CEBPZOS: variants seen among roughly 807,000 people sequenced by gnomAD.
CEBPZOS encodes protein CEBPZOS.
In CEBPZOS, 10 loss-of-function variants were observed where a neutral mutation model predicts 4.8. The ratio of observed to expected loss-of-function variants is 2.07; its 90% CI spans 1.28 to 3.52. The LOEUF is 3.52. CEBPZOS is among the 30% of genes most tolerant of loss of function. CEBPZOS has a pLI of 0.00. For synonymous variants in CEBPZOS, 25 were observed against 14.2 expected (o/e 1.77, Z -1.72); for missense variants, 98 against 43.6 (o/e 2.25, Z -3.51).
In CEBPZOS at chr2:37,201,937, C is replaced by G. The variant is rs745537375; in HGVS notation, c.*77C>G. 6.3e-7 allele frequency: 1 copy of G among 1,596,854 alleles called. No individual in the cohort carries two copies. Among genetic ancestry groups the G allele is most frequent in the African/African-American group, 1.4e-5 (1 of 73,968 alleles). On this transcript the variant is annotated 3_prime_UTR_variant, in exon 5 of 5. Transcript: ENST00000402297. ...GAAGAAGAAAAGATGAGTGTACTAC[C>G]ACACTGTAGACTCTTGGTGGTCCCA...
At chr2:37,209,815 AAAAT>A (rs1216815744) in intron 4 of CEBPZOS, 3 of 152,246 alleles carry the variant, frequency 2.0e-5, no homozygotes, top group African/African-American at 4.8e-5. Flanking sequence ...TCTGCATAGC[AAAAT>A]AAATAATCAG....
intron 4 of CEBPZOS, chr2:37,210,017 T>C (rs190542413): frequency 1.3e-5 from 2 of 152,090 alleles, no homozygotes; most frequent in East Asian, 1.9e-4. Flanking sequence ...AAGAAACATA[T>C]GAAGAAATGC....
chr2:37,208,263 T>C (rs888884205), downstream of CEBPZOS, among the ~76,000 whole-genome samples: 3 of 152,242 alleles, frequency 2.0e-5, no homozygotes, highest in South Asian at 2.1e-4. Flanking sequence ...TTCCAAAAGA[T>C]AGGGAAAGAG....
In CEBPZOS at chr2:37,199,864, T is replaced by G. The variant is rs1265538901; in HGVS notation, c.115+45T>G. The stretch of plus-strand genomic sequence containing the variant: ...TAATGCTTTCTAAAGGGGTATAGTT[T>G]TGCTAATCCATTTTATGTGTTAAAT... On this transcript the variant is annotated intron_variant, in intron 2 of 4. Transcript: ENST00000402297. The G allele has an allele frequency of 4.3e-6, 3 of 695,998 alleles. No individual in the cohort carries two copies. In the African/African-American group the frequency reaches 5.3e-5, roughly 12 times the overall value. The allele number at this position is 695,998 out of a possible 1,614,324, so 43.1% of individuals were successfully genotyped here.
intron 3 of CEBPZOS, 100 bp downstream of exon 3, chr2:37,201,192 T>C (rs1677213245): frequency 1.5e-6 from 1 of 648,090 alleles, no homozygotes; most frequent in Non-Finnish European, 2.8e-6. Flanking sequence ...AACAATACTA[T>C]TCACATGTAT....
intron 1 of CEBPZOS, 67 bp from the exon 2 acceptor site, chr2:37,199,637 T>G: frequency 1.5e-6 from 1 of 679,262 alleles, no homozygotes; most frequent in African/African-American, 1.8e-5. Context: ...TTTGAGTTAT[T>G]AGAGAAATGA....
chr2:37,212,355 C>A (rs1677748817), intron 4 of CEBPZOS: 1 of 1,613,458 alleles, frequency 6.2e-7, no homozygotes, highest in African/African-American at 1.3e-5. Flanking sequence ...CCATATCATC[C>A]TTTCCAGAGC....
Position 37,204,699 on chromosome 2 carries a change from GTAAATTAATAAATCTGAA to G in CEBPZOS, c.*2841_*2858del, listed in dbSNP as rs1677469305. The G allele has an allele frequency of 6.6e-6, 1 of 152,172 alleles. No homozygotes were observed. 9.4% of individuals were successfully genotyped at this position (152,172 alleles called of 1,614,324 possible). On this transcript the variant is annotated 3_prime_UTR_variant, in exon 5 of 5. Coordinates refer to ENST00000402297, the MANE Select transcript of CEBPZOS (RefSeq NM_001322374.2). ...CCTGTAAATGTAGGGTGATCAATTAGTAAATTAATAAATCTGAATCAATTAATAAATCTGTTTAAAATT... is the reference window on the plus strand; with the variant it reads ...CCTGTAAATGTAGGGTGATCAATTAGTCAATTAATAAATCTGTTTAAAATT...
downstream of CEBPZOS, chr2:37,213,899 T>C: frequency 1.2e-6 from 2 of 1,602,782 alleles, no homozygotes; most frequent in Non-Finnish European, 1.7e-6. Flanking sequence ...ATCCACGTCT[T>C]CTATACTTTC....
intron 2 of CEBPZOS, among the ~76,000 whole-genome samples, chr2:37,200,509 T>C (rs1396722867): frequency 2.0e-5 from 3 of 152,094 alleles, no homozygotes; most frequent in Admixed American, 1.3e-4. Context: ...CCAACAGTAT[T>C]TAAAAACAAA....
intron 1 of CEBPZOS, among the ~76,000 whole-genome samples, chr2:37,198,951 C>T (rs1296937743): frequency 6.6e-6 from 1 of 151,696 alleles, no homozygotes. Context: ...CTCACGGGTT[C>T]GAGACCAATC....
intron 1 of CEBPZOS, among the ~76,000 whole-genome samples, chr2:37,196,866 C>A (rs986701913): frequency 1.3e-5 from 2 of 152,136 alleles, no homozygotes; most frequent in African/African-American, 4.8e-5. Flanking sequence ...GCCGGGGGAG[C>A]GGAGGCGGCC....
Position 37,201,088 on chromosome 2 carries a change from G to C in CEBPZOS, c.156G>C (p.Leu52Phe), listed in dbSNP as rs751144971. Residue 52 changes from leucine to phenylalanine, a missense_variant, in exon 3 of 5, where the codon TTG (leucine) becomes TTC (phenylalanine). Physicochemically the swap from Leu to Phe is conservative, Grantham distance 22. Coordinates refer to ENST00000402297, the MANE Select transcript of CEBPZOS (RefSeq NM_001322374.2). ...QTMSKKYPFI[L>F]EVYYKSTEKS... ...TGAGCAAGAAATATCCCTTCATCTT[G>C]GAAGGTATGTTTTTCCTTAAGTAAA... is the stretch of plus-strand genomic sequence containing the variant. The C allele has an allele frequency of 1.4e-6, 1 of 714,874 alleles. No homozygotes were observed. The highest frequency in any genetic ancestry group is 1.8e-5 in the African/African-American group (1 of 57,132). The allele number at this position is 714,874 out of a possible 1,614,324, so 44.3% of individuals were successfully genotyped here. A position where few individuals can be genotyped will look rare whatever the true frequency, so the allele number is the denominator to read the frequency against.
At chr2:37,212,440 T>G (rs199723915) in intron 4 of CEBPZOS, 2 of 1,456,312 alleles carry the variant, frequency 1.4e-6, no homozygotes, top group African/African-American at 2.8e-5. Flanking sequence ...ATGACAAGCT[T>G]GACATATATC....
At chr2:37,213,374 A>T (rs114791696) in intron 4 of CEBPZOS, 2,177 of 152,966 alleles carry the variant, frequency 0.014, 43 homozygotes, top group African/African-American at 0.05. Context: ...TTCTGGTGCA[A>T]ATGTGGGTGA....
chr2:37,216,154 A>C, downstream of CEBPZOS: 2 of 1,611,846 alleles, frequency 1.2e-6, no homozygotes, highest in Non-Finnish European at 1.7e-6. Context: ...AAGATGACGA[A>C]TATCCTTAAT....
chr2:37,201,758 A>C lies in CEBPZOS; in HGVS notation c.*2+32A>C, dbSNP rs757702490. On this transcript the variant is annotated intron_variant, in intron 4 of 4. Coordinates refer to ENST00000402297, the MANE Select transcript of CEBPZOS (RefSeq NM_001322374.2). ...AGAATTTTAATCTATAATTTACATT[A>C]ATAACTCATTTCCTTTGTTTTTTAG... The C allele has an allele frequency of 5.9e-6, 8 of 1,349,848 alleles. No homozygotes were observed. In the Admixed American group the frequency reaches 1.4e-4, roughly 23 times the overall value. The allele number at this position is 1,349,848 out of a possible 1,614,324, so 83.6% of individuals were successfully genotyped here. A position where few individuals can be genotyped will look rare whatever the true frequency, so the allele number is the denominator to read the frequency against.
chr2:37,199,280 G>C (rs1677095208), intron 1 of CEBPZOS, among the ~76,000 whole-genome samples: 1 of 152,118 alleles, frequency 6.6e-6, no homozygotes, highest in African/African-American at 2.4e-5. Context: ...AGAAAGTGTA[G>C]AACCACTTGA....
chr2:37,201,669 G>T lies in CEBPZOS; in HGVS notation c.188G>T (p.Gly63Val). ...TATTACAAATCCACTGAGAAGTCTG[G>T]AATGTATGGAATCAGAGAGCTAGAT... is the stretch of plus-strand genomic sequence containing the variant. ...EVYYKSTEKS[G>V]MYGIRELDQK... The change falls in exon 4 of 5, where the codon GGA becomes GTA. Residue 63 changes from glycine to valine, a missense_variant. By Grantham distance (109) the Gly-to-Val change is moderately radical. Transcript: ENST00000402297. The T allele has an allele frequency of 1.3e-6, 1 of 793,826 alleles. No homozygotes were observed. 49.2% of individuals were successfully genotyped at this position (793,826 alleles called of 1,614,324 possible). A position where few individuals can be genotyped will look rare whatever the true frequency, so the allele number is the denominator to read the frequency against.
Sources: allele counts gnomAD v4.1 joint callset (sites outside exome capture counted in the v4.1 genomes callset), GRCh38; gene constraint gnomAD v4.1.1; transcripts MANE v1.5; gene names NCBI Gene and HGNC (gene_info 2026-07-23, HGNC 2026-07-21).